Variants in SHROOM3 observed in about 807,000 individuals in gnomAD.
SHROOM3 encodes the protein shroom family member 3.
SHROOM3 carries 47 observed loss-of-function variants against 138.6 expected under a neutral mutation model. The observed-to-expected ratio is 0.34, with a 90% CI of 0.27 to 0.43. The LOEUF is 0.43. SHROOM3 is among the 20% of genes least tolerant of loss of function. SHROOM3 has a pLI of 1.00. For synonymous variants in SHROOM3, 1,062 were observed against 1,063.3 expected (o/e 1.00, Z 0.02); for missense variants, 2,491 against 2,596.5 (o/e 0.96, Z 0.88).
Position 76,741,537 on chromosome 4 carries a change from C to T in SHROOM3, c.3364C>T (p.Gln1122Ter). 1 of 1,551,474 alleles carries T rather than the reference C, an allele frequency of 6.4e-7. No homozygotes were observed. Among genetic ancestry groups the T allele is most frequent in the Non-Finnish European group, 8.7e-7 (1 of 1,155,038 alleles). ...LRERAQSAYL[Q>*]PGPAALEGSG... ...TGAGCGCGCCCAGAGTGCCTACCTC[C>T]AGCCCGGCCCCGCGGCGCTCGAAGG... The change falls in exon 5 of 11, where the codon CAG becomes TAG. Residue 1122 changes from glutamine to a stop codon, truncating the protein, a stop_gained. Transcript: ENST00000296043. LOFTEE classifies it high-confidence loss of function. The surrounding 1 kb of genome is among the most constrained non-coding windows in gnomAD (Gnocchi z 6.2).
chr4:76,624,741 A>G (rs972854930), intron 2 of SHROOM3, among the ~76,000 whole-genome samples: 13 of 152,222 alleles, frequency 8.5e-5, no homozygotes, highest in African/African-American at 3.1e-4. Flanking sequence ...ATATGAGTGT[A>G]TATGTTGCAT....
At chr4:76,649,761 G>A (rs1187876974) in intron 2 of SHROOM3, among the ~76,000 whole-genome samples, 1 of 152,174 alleles carries the variant, frequency 6.6e-6, no homozygotes, top group Non-Finnish European at 1.5e-5. Flanking sequence ...TTGTCCTGTG[G>A]TGGACAATTG....
intron 3 of SHROOM3, among the ~76,000 whole-genome samples, chr4:76,724,900 A>G (rs1434254238): frequency 6.6e-6 from 1 of 152,150 alleles, no homozygotes; most frequent in Non-Finnish European, 1.5e-5. Flanking sequence ...GATGTTGTCA[A>G]ACTGGCCTTC....
intron 2 of SHROOM3, among the ~76,000 whole-genome samples, chr4:76,620,778 G>C (rs778734684): frequency 1.5e-4 from 23 of 152,274 alleles, no homozygotes; most frequent in Non-Finnish European, 8.8e-5. Flanking sequence ...GGGTCACCAG[G>C]CTGAGGAACC....
At chr4:76,567,209 T>C (rs182240763) in intron 2 of SHROOM3, among the ~76,000 whole-genome samples, 2 of 152,340 alleles carry the variant, frequency 1.3e-5, no homozygotes, top group East Asian at 1.9e-4. Context: ...GTTGTTTTCA[T>C]GAAGACTGTG....
At chr4:76,624,405 G>C (rs979970866) in intron 2 of SHROOM3, among the ~76,000 whole-genome samples, 1 of 152,130 alleles carries the variant, frequency 6.6e-6, no homozygotes. Context: ...TCACTCAGCT[G>C]CCTGCTTTGC....
At chr4:76,672,300 A>T (rs2110098568) in intron 2 of SHROOM3, among the ~76,000 whole-genome samples, 1 of 152,292 alleles carries the variant, frequency 6.6e-6, no homozygotes, top group Middle Eastern at 3.4e-3. Flanking sequence ...AAAGAAAACC[A>T]GAGAATAATT....
In SHROOM3 at chr4:76,621,424, C is replaced by T. The variant is rs140268000; in HGVS notation, c.323+65661C>T. ...TTGCTAATAGGAATTATTTTACACA[C>T]CTTTCTAGTTCACAAACCACCACCT... On this transcript the variant is annotated intron_variant, in intron 2 of 10. Transcript: ENST00000296043. Among the ~76,000 whole-genome samples the T allele has an allele frequency of 4.3e-3, 656 of 152,344 alleles. 7 individuals carry two copies. Among genetic ancestry groups the T allele is most frequent in the African/African-American group, 0.015 (635 of 41,578 alleles).
intron 1 of SHROOM3, among the ~76,000 whole-genome samples, chr4:76,553,914 A>T (rs1733422207): frequency 6.6e-6 from 1 of 152,178 alleles, no homozygotes; most frequent in African/African-American, 2.4e-5. Context: ...CACTATCAAA[A>T]TCCTGCACCA....
chr4:76,557,006 A>G (rs952849229), intron 2 of SHROOM3, among the ~76,000 whole-genome samples: 2 of 152,160 alleles, frequency 1.3e-5, no homozygotes, highest in African/African-American at 4.8e-5. Flanking sequence ...CTCAAAGCAT[A>G]GGCACCGGAT....
At chr4:76,466,377 T>G (rs1256707549) in intron 1 of SHROOM3, among the ~76,000 whole-genome samples, 1 of 152,228 alleles carries the variant, frequency 6.6e-6, no homozygotes, top group Non-Finnish European at 1.5e-5. Context: ...CTCTTTTATA[T>G]TCTTTTCTAA....
chr4:76,614,158 CCTT>C (rs1306401884), intron 2 of SHROOM3, among the ~76,000 whole-genome samples: 1 of 152,188 alleles, frequency 6.6e-6, no homozygotes, highest in Non-Finnish European at 1.5e-5. Flanking sequence ...CGGGTTCACA[CCTT>C]CTCCCGCTTC....
chr4:76,742,507 G>A (rs1380102994), intron 5 of SHROOM3, among the ~76,000 whole-genome samples: 1 of 152,068 alleles, frequency 6.6e-6, no homozygotes, highest in Non-Finnish European at 1.5e-5. Flanking sequence ...TCAGACCCCT[G>A]TCTCTCGGAC....
intron 2 of SHROOM3, among the ~76,000 whole-genome samples, chr4:76,593,750 A>G (rs1734323577): frequency 6.6e-6 from 1 of 152,242 alleles, no homozygotes; most frequent in African/African-American, 2.4e-5. Flanking sequence ...ACCTTAGTTT[A>G]GGAATTCTGA....
intron 1 of SHROOM3, among the ~76,000 whole-genome samples, chr4:76,524,404 C>A (rs1364361380): frequency 6.6e-6 from 1 of 152,072 alleles, no homozygotes; most frequent in African/African-American, 2.4e-5. Flanking sequence ...CAGGCAGGGG[C>A]AGAACCGTGG....
rs1560531527 is a variant in SHROOM3, at chr4:76,518,575, T to TGCCTGCCTGCCTGCC, written c.169-37034_169-37033insGCCTGCCTGCCTGCC. On this transcript the variant is annotated intron_variant, in intron 1 of 10. Coordinates refer to ENST00000296043, the MANE Select transcript of SHROOM3 (RefSeq NM_020859.4). ...CCTTCCTTCCTTCCTTCTTGCCTGC[T>TGCCTGCCTGCCTGCC]TGCCTGCCTGCCTGCCTGCCTGTGT... 5.6e-4 allele frequency among the ~76,000 whole-genome samples: 66 copies of TGCCTGCCTGCCTGCC among 117,510 alleles called. No homozygotes were observed. In the South Asian group the frequency reaches 6.5e-3, roughly 12 times the overall value. 77.1% of individuals were successfully genotyped at this position (117,510 alleles called of 152,430 possible). A position where few individuals can be genotyped will look rare whatever the true frequency, so the allele number is the denominator to read the frequency against.
At chr4:76,736,356 T>C (rs1229326881) in intron 4 of SHROOM3, among the ~76,000 whole-genome samples, 1 of 152,316 alleles carries the variant, frequency 6.6e-6, no homozygotes, top group African/African-American at 2.4e-5. Flanking sequence ...TGTCCCGAAG[T>C]AGGATGCGCC....
At chr4:76,626,338 G>T (rs1013063485) in intron 2 of SHROOM3, among the ~76,000 whole-genome samples, 1 of 152,076 alleles carries the variant, frequency 6.6e-6, no homozygotes, top group Non-Finnish European at 1.5e-5. Context: ...TTAATTGTGG[G>T]TATTTAAATA....
intron 1 of SHROOM3, among the ~76,000 whole-genome samples, chr4:76,492,971 A>G (rs1306252107): frequency 6.6e-6 from 1 of 152,160 alleles, no homozygotes. Context: ...CTATAATCCT[A>G]GCACTTTGGG....
Sources: gnomAD v4.1 joint callset for allele counts (sites outside exome capture counted in the v4.1 genomes callset) on GRCh38, gnomAD v4.1.1 for gene constraint, Gnocchi (gnomAD v3.1) non-coding constraint, MANE v1.5 for transcripts, NCBI Gene and HGNC (gene_info 2026-07-23, HGNC 2026-07-21) for gene names.